TRIO: variants seen among roughly 807,000 people sequenced by gnomAD.
TRIO encodes the protein triple functional domain protein.
A neutral mutation model predicts 351.9 loss-of-function variants in TRIO; 58 were observed. The ratio of observed to expected loss-of-function variants is 0.16; its 90% confidence interval spans 0.13 to 0.21. The LOEUF (loss-of-function observed/expected upper bound fraction) is 0.21, where lower values mean the gene tolerates loss of function less well. TRIO is among the 10% of genes least tolerant of loss of function. The pLI, the probability that TRIO is intolerant of heterozygous loss-of-function variation, is 1.00. For synonymous variants in TRIO, 1,758 were observed against 1,595.7 expected (o/e 1.10, Z -2.42); for missense variants, 3,201 against 4,027.8 (o/e 0.79, Z 5.56).
intron 32 of TRIO, 126 bp from the exon 33 acceptor site, chr5:14,406,447 G>A (rs1748726430): frequency 1.2e-6 from 1 of 859,218 alleles, no homozygotes. Context: ...CTTAACCATT[G>A]TCCGCATCCT....
intron 33 of TRIO, chr5:14,418,914 C>G (rs2152388727): frequency 6.6e-6 from 1 of 152,454 alleles, no homozygotes; most frequent in East Asian, 1.9e-4. Context: ...CTCAGGCCAT[C>G]TGAAGCAGAC....
At chr5:14,372,253 T>TGA (rs71599622) in intron 18 of TRIO, among the ~76,000 whole-genome samples, 81,745 of 115,172 alleles carry the variant, frequency 0.71, 28,943 homozygotes, top group Middle Eastern at 0.78. Flanking sequence ...GGCGGGGGTG[T>TGA]GAGAGAGAGA....
rs180882470 is a variant in TRIO, at chr5:14,290,700, T to C, written c.541-16T>C. ...AATTGGTTCATCTTCTCATACGTGA[T>C]TTTTTTTCCCTTAAGACAAATATGG... On this transcript the variant is annotated splice_polypyrimidine_tract_variant and intron_variant, in intron 4 of 56. Coordinates refer to ENST00000344204, the MANE Select transcript of TRIO (RefSeq NM_007118.4). The C allele has an allele frequency of 2.6e-3, 4,053 of 1,566,414 alleles. 13 individuals are homozygous for C. Among genetic ancestry groups the C allele is most frequent in the Middle Eastern group, 6.5e-3 (38 of 5,822 alleles).
chr5:14,388,582 C>T (rs1211918640), intron 23 of TRIO, 31 bp from the exon 24 acceptor site: 9 of 1,598,464 alleles, frequency 5.6e-6, no homozygotes, highest in Non-Finnish European at 7.7e-6. Flanking sequence ...TGCACCCTGA[C>T]TGTACTCCTC....
chr5:14,402,542 T>C (rs1357509265), intron 31 of TRIO, among the ~76,000 whole-genome samples: 6 of 151,510 alleles, frequency 4.0e-5, no homozygotes, highest in Admixed American at 6.6e-5. Flanking sequence ...TAGGTGGAGG[T>C]GGTGGAGACG....
chr5:14,290,935 C>G lies in TRIO; in HGVS notation c.760C>G (p.Arg254Gly), dbSNP rs1159361660. 12 of 1,613,938 alleles carry G rather than the reference C, an allele frequency of 7.4e-6. No homozygotes were observed. The highest frequency in any genetic ancestry group is 1.3e-5 in the African/African-American group (1 of 74,880). ...KELPQDLEGA[R>G]NMIEEHSQLK... ...GCTGCCTCAGGATTTAGAGGGGGCT[C>G]GGAATATGATCGAGGAACATTCTCA... Residue 254 changes from arginine (R) to glycine (G), a missense_variant, in exon 5 of 57, where the codon CGG (arginine) becomes GGG (glycine). Arg to Gly is a moderately radical substitution (Grantham distance 125, BLOSUM62 -2). Coordinates refer to ENST00000344204, the MANE Select transcript of TRIO (RefSeq NM_007118.4).
intron 9 of TRIO, among the ~76,000 whole-genome samples, chr5:14,322,589 C>T (rs1001759640): frequency 6.6e-6 from 1 of 152,202 alleles, no homozygotes; most frequent in Admixed American, 6.5e-5. Flanking sequence ...AAAGCCAGCT[C>T]TGCAGGAAGC....
intron 1 of TRIO, among the ~76,000 whole-genome samples, chr5:14,169,693 G>T (rs1788986372): frequency 6.6e-6 from 1 of 151,988 alleles, no homozygotes; most frequent in African/African-American, 2.4e-5. Context: ...CTTAATTATG[G>T]TTTTTCATGT....
intron 1 of TRIO, among the ~76,000 whole-genome samples, chr5:14,211,113 T>A (rs1238751290): frequency 1.3e-5 from 2 of 152,256 alleles, no homozygotes; most frequent in African/African-American, 4.8e-5. Flanking sequence ...TTAGACCTTT[T>A]GACTTTACCT....
chr5:14,359,222 C>A, intron 12 of TRIO, 135 bp from the exon 13 acceptor site: 1 of 1,028,764 alleles, frequency 9.7e-7, no homozygotes, highest in East Asian at 2.6e-5. Flanking sequence ...AGGAGAGCAG[C>A]CCGTTCCATT....
intron 1 of TRIO, among the ~76,000 whole-genome samples, chr5:14,147,397 C>T (rs1224011437): frequency 6.6e-6 from 1 of 152,168 alleles, no homozygotes; most frequent in African/African-American, 2.4e-5. Context: ...TTTTGGGGCT[C>T]TGTTCTCGTG....
At chr5:14,407,889 G>T (rs1273065694) in intron 33 of TRIO, among the ~76,000 whole-genome samples, 1 of 152,200 alleles carries the variant, frequency 6.6e-6, no homozygotes, top group Non-Finnish European at 1.5e-5. Context: ...AGTGTGTTCT[G>T]TTACATTACT....
intron 1 of TRIO, among the ~76,000 whole-genome samples, chr5:14,158,699 C>T (rs374290881): frequency 6.6e-6 from 1 of 151,814 alleles, no homozygotes; most frequent in Non-Finnish European, 1.5e-5. Context: ...GGCTTGGTGG[C>T]GTGCACCTGT....
intron 1 of TRIO, among the ~76,000 whole-genome samples, chr5:14,221,387 T>A (rs1792609119): frequency 6.6e-6 from 1 of 152,346 alleles, no homozygotes. Flanking sequence ...CTTCCAAGTC[T>A]TATCATTTAC....
At chr5:14,412,423 A>G (rs1269288662) in intron 33 of TRIO, among the ~76,000 whole-genome samples, 1 of 152,248 alleles carries the variant, frequency 6.6e-6, no homozygotes. Flanking sequence ...ATGCCAATAC[A>G]TTTTGAAATA....
chr5:14,207,463 TAC>T (rs70964545), intron 1 of TRIO, among the ~76,000 whole-genome samples: 3,074 of 22,658 alleles, frequency 0.14, 452 homozygotes, highest in Middle Eastern at 0.2. Flanking sequence ...ACTGTCTCTC[TAC>T]ACACACACAC....
chr5:14,478,909 C>G (rs1406493293), intron 41 of TRIO, among the ~76,000 whole-genome samples: 1 of 152,130 alleles, frequency 6.6e-6, no homozygotes, highest in African/African-American at 2.4e-5. Flanking sequence ...TTCCGTGAGC[C>G]ATGATCACAC....
At chr5:14,271,388 A>G (rs963343595) in intron 2 of TRIO, among the ~76,000 whole-genome samples, 2 of 152,108 alleles carry the variant, frequency 1.3e-5, no homozygotes, top group Admixed American at 1.3e-4. Context: ...GACCCATGTC[A>G]TGGACGATGA....
intron 8 of TRIO, among the ~76,000 whole-genome samples, chr5:14,308,195 A>G (rs953716093): frequency 6.6e-6 from 1 of 152,166 alleles, no homozygotes; most frequent in African/African-American, 2.4e-5. Context: ...CTTAGCAGAC[A>G]GACTTATGAA....
Sources: gnomAD v4.1 joint callset for allele counts (sites outside exome capture counted in the v4.1 genomes callset) on GRCh38, gnomAD v4.1.1 for gene constraint, MANE v1.5 for transcripts, NCBI Gene and HGNC (gene_info 2026-07-23, HGNC 2026-07-21) for gene names.